Variants in RDH8 observed in about 807,000 individuals in gnomAD.
RDH8 encodes retinol dehydrogenase 8.
RDH8 carries 14 observed loss-of-function variants against 22.3 expected under a neutral mutation model. That is an observed-to-expected ratio of 0.63 (90% CI 0.42 to 0.98). The LOEUF is 0.98. Ranked by LOEUF, RDH8 falls within the 50% of genes least tolerant of loss-of-function variation. The pLI is 0.00. For synonymous variants in RDH8, 175 were observed against 171.7 expected (o/e 1.02, Z -0.15); for missense variants, 389 against 409.8 (o/e 0.95, Z 0.44).
Position 10,021,453 on chromosome 19 carries a change from C to G in RDH8, c.720+15C>G, listed in dbSNP as rs1363512897. The G allele has an allele frequency of 6.2e-7, 1 of 1,613,938 alleles. No homozygotes were observed. The highest frequency in any genetic ancestry group is 1.3e-5 in the African/African-American group (1 of 74,912). On this transcript the variant is annotated intron_variant, in intron 5 of 5. Transcript: ENST00000591589. ...ACGTGGTTCAGGTGAGTGAAGGGCC[C>G]AGAGCCCCAAGACGTGGCTCAGGTA...
chr19:10,013,599 G>C lies in RDH8; in HGVS notation c.102G>C (p.Gln34His). Reference protein sequence around the residue: ...QLAHDPKKRYQVVATMRDLGK... With the variant: ...QLAHDPKKRYHVVATMRDLGK... The stretch of plus-strand genomic sequence containing the variant: ...CCCATGACCCCAAGAAGCGCTACCA[G>C]GGTAAGAAGTGCAGGGTGGCACTAG... The change falls in exon 1 of 6, where the codon CAG (glutamine) becomes CAC (histidine). Residue 34 changes from glutamine (Q) to histidine (H), a missense_variant and splice_region_variant. Coordinates refer to ENST00000591589, the MANE Select transcript of RDH8 (RefSeq NM_015725.4). 6.2e-7 allele frequency: 1 copy of C among 1,613,992 alleles called. No individual in the cohort carries two copies. The highest frequency in any genetic ancestry group is 8.5e-7 in the Non-Finnish European group (1 of 1,180,026).
In RDH8 at chr19:10,020,369, G is replaced by GGAAGGAAGGAAGGGAGGGAGGAAGA. The variant is rs1164580378; in HGVS notation, c.443-340_443-339insGAAGGAAGGAAGGGAGGGAGGAAGA. ...GGGAGGGAGGGAGGGAGGAAGGAAG[G>GGAAGGAAGGAAGGGAGGGAGGAAGA]AAGGGAGGGAGGAAGAGAGACAAGG... On this transcript the variant is annotated intron_variant, in intron 3 of 5. Coordinates refer to ENST00000591589, the MANE Select transcript of RDH8 (RefSeq NM_015725.4). Among the ~76,000 whole-genome samples the GGAAGGAAGGAAGGGAGGGAGGAAGA allele has an allele frequency of 3.9e-3, 543 of 138,634 alleles. 5 individuals are homozygous for GGAAGGAAGGAAGGGAGGGAGGAAGA. The highest frequency in any genetic ancestry group is 0.014 in the African/African-American group (512 of 37,028). The allele number at this position is 138,634 out of a possible 152,430, so 90.9% of individuals were successfully genotyped here. A position where few individuals can be genotyped will look rare whatever the true frequency, so the allele number is the denominator to read the frequency against.
In RDH8 at chr19:10,021,691, A is replaced by G. The variant is rs781396725; in HGVS notation, c.878A>G (p.Asn293Ser). ...RLLFRCPRLLNLGLQCLSCGC... is the reference protein window; with the variant it reads ...RLLFRCPRLLSLGLQCLSCGC... ...CTCTTCCGCTGTCCACGCCTCCTCA[A>G]CCTTGGCCTTCAATGTCTGTCCTGC... is the stretch of plus-strand genomic sequence containing the variant. Residue 293 changes from asparagine to serine, a missense_variant, in exon 6 of 6, where the codon AAC becomes AGC. Asn to Ser is a conservative substitution (Grantham distance 46). Coordinates refer to ENST00000591589, the MANE Select transcript of RDH8 (RefSeq NM_015725.4). The G allele has an allele frequency of 1.2e-6, 2 of 1,613,916 alleles. No individual in the cohort carries two copies. The highest frequency in any genetic ancestry group is 1.7e-6 in the Non-Finnish European group (2 of 1,179,980).
Position 10,013,504 on chromosome 19 carries a change from G to A in RDH8, c.7G>A (p.Ala3Thr), listed in dbSNP as rs555587189. 2.2e-5 allele frequency: 35 copies of A among 1,613,006 alleles called. No homozygotes were observed. Among genetic ancestry groups the A allele is most frequent in the Admixed American group, 6.7e-5 (4 of 60,012 alleles). Reference sequence around the variant, plus strand: ...GTCCAGGGAGGGGATCAACATGGCCGCTGCACCCCGGACTGTGTTGATCTC... The same window carrying A: ...GTCCAGGGAGGGGATCAACATGGCCACTGCACCCCGGACTGTGTTGATCTC... MA[A>T]APRTVLISGC... Residue 3 changes from alanine (A) to threonine (T), a missense_variant, in exon 1 of 6, where the codon GCT becomes ACT. By Grantham distance (58) the Ala-to-Thr change is moderately conservative (BLOSUM62 0). Transcript: ENST00000591589.
chr19:10,021,514 T>A lies in RDH8; in HGVS notation c.721-20T>A. On this transcript the variant is annotated intron_variant, in intron 5 of 5. Coordinates refer to ENST00000591589, the MANE Select transcript of RDH8 (RefSeq NM_015725.4). Reference sequence around the variant, plus strand: ...TGAGGCCCTCCCTGGGTCCCAGCGCTCAGGGCCTCCATTCTGCAGGCCATT... The same window carrying A: ...TGAGGCCCTCCCTGGGTCCCAGCGCACAGGGCCTCCATTCTGCAGGCCATT... 1 of 1,613,894 alleles carries A rather than the reference T, an allele frequency of 6.2e-7. No homozygotes were observed. Among genetic ancestry groups the A allele is most frequent in the Non-Finnish European group, 8.5e-7 (1 of 1,179,878 alleles).
chr19:10,013,739 C>G, intron 1 of RDH8, 139 bp downstream of exon 1: 1 of 835,168 alleles, frequency 1.2e-6, no homozygotes, highest in South Asian at 1.7e-5. Flanking sequence ...TCCCCTCATC[C>G]TAGAAATATT....
intron 1 of RDH8, among the ~76,000 whole-genome samples, chr19:10,013,828 CG>C (rs200109881): frequency 4.6e-5 from 7 of 151,960 alleles, no homozygotes; most frequent in East Asian, 3.9e-4. Context: ...GCCCTCAGGA[CG>C]GGTGTCATGT....
intron 1 of RDH8, among the ~76,000 whole-genome samples, chr19:10,016,179 G>C (rs113315868): frequency 6.7e-6 from 1 of 149,116 alleles, no homozygotes; most frequent in African/African-American, 2.5e-5. Context: ...AGACAGTCTC[G>C]CTCTGTTGCC....
chr19:10,015,162 A>T (rs2087601159), intron 1 of RDH8, among the ~76,000 whole-genome samples: 1 of 152,102 alleles, frequency 6.6e-6, no homozygotes. Flanking sequence ...TTAAGAACAT[A>T]AGCTTGAGGC....
chr19:10,020,353 G>C (rs987223894), intron 3 of RDH8, among the ~76,000 whole-genome samples: 1 of 145,168 alleles, frequency 6.9e-6, no homozygotes, highest in Non-Finnish European at 1.5e-5. Context: ...AGGGAGGGAG[G>C]GAGGGAGGAA....
rs74178233 is a variant in RDH8, at chr19:10,021,853, TC to T, written c.*109del. Reference sequence around the variant, plus strand: ...CTCTTCATTTATTCATTCTGCAAACTCCCCCTCCCCTCCTCTGTGCCTAGAC... The same window carrying T: ...CTCTTCATTTATTCATTCTGCAAACTCCCCTCCCCTCCTCTGTGCCTAGAC... On this transcript the variant is annotated 3_prime_UTR_variant, in exon 6 of 6. Coordinates refer to ENST00000591589, the MANE Select transcript of RDH8 (RefSeq NM_015725.4). 8.5e-7 allele frequency: 1 copy of T among 1,174,012 alleles called. No homozygotes were observed. The highest frequency in any genetic ancestry group is 2.6e-5 in the East Asian group (1 of 39,150). 72.7% of individuals were successfully genotyped at this position (1,174,012 alleles called of 1,614,324 possible).
chr19:10,019,393 C>T (rs949249909), intron 3 of RDH8, among the ~76,000 whole-genome samples: 1 of 151,874 alleles, frequency 6.6e-6, no homozygotes, highest in African/African-American at 2.4e-5. Context: ...GACATGGTGA[C>T]TCACGTCTAT....
intron 2 of RDH8, 90 bp from the exon 3 acceptor site, chr19:10,018,641 A>G: frequency 9.6e-7 from 1 of 1,047,004 alleles, no homozygotes; most frequent in Non-Finnish European, 1.4e-6. Context: ...TTGGACTTGG[A>G]GTACGGGGTG....
Position 10,021,550 on chromosome 19 carries a change from T to C in RDH8, c.737T>C (p.Ile246Thr), listed in dbSNP as rs139949062. ...ATTCTGCAGGCCATTGTCAACGTCA[T>C]CAGCTCGACTCGACCACCCCTGCGC... ...QDVVQAIVNV[I>T]SSTRPPLRRQ... Residue 246 changes from isoleucine (I) to threonine (T), a missense_variant, in exon 6 of 6, where the codon ATC (isoleucine) becomes ACC (threonine). Ile to Thr is a moderately conservative substitution (Grantham distance 89). Coordinates refer to ENST00000591589, the MANE Select transcript of RDH8 (RefSeq NM_015725.4). 5.6e-6 allele frequency: 9 copies of C among 1,614,096 alleles called. No homozygotes were observed. The African/African-American group carries it at 1.1e-4, about 19-fold the overall frequency.
rs2087665585 is a variant in RDH8 at position 10,021,920 on chromosome 19, A to T, written c.*171A>T. 1 of 722,950 alleles carries T rather than the reference A, an allele frequency of 1.4e-6. No homozygotes were observed. The allele number at this position is 722,950 out of a possible 1,614,324, so 44.8% of individuals were successfully genotyped here. ...GAAGGGCCTTTATTTTCAGGCATAG[A>T]CTCCTCTGTGGTCACAGCTGGAGCA... is the stretch of plus-strand genomic sequence containing the variant. On this transcript the variant is annotated 3_prime_UTR_variant, in exon 6 of 6. Coordinates refer to ENST00000591589, the MANE Select transcript of RDH8 (RefSeq NM_015725.4).
chr19:10,021,121 C>T, intron 4 of RDH8, 134 bp from the exon 5 acceptor site: 2 of 814,412 alleles, frequency 2.5e-6, no homozygotes, highest in Non-Finnish European at 1.9e-6. Context: ...CTGCAGACAG[C>T]TATGATCATG....
chr19:10,016,178 C>G (rs1193074796), intron 1 of RDH8, among the ~76,000 whole-genome samples: 1 of 150,366 alleles, frequency 6.7e-6, no homozygotes, highest in Non-Finnish European at 1.5e-5. Context: ...GAGACAGTCT[C>G]GCTCTGTTGC....
At chr19:10,017,283 A>G in intron 2 of RDH8, 68 bp downstream of exon 2, 3 of 1,408,196 alleles carry the variant, frequency 2.1e-6, no homozygotes, top group African/African-American at 2.8e-5. Context: ...CAATATGGCA[A>G]GGTCTGAGCA....
intron 3 of RDH8, 113 bp downstream of exon 3, chr19:10,019,023 A>T (rs2087639976): frequency 1.1e-6 from 1 of 872,914 alleles, no homozygotes; most frequent in Admixed American, 2.8e-5. Context: ...GACCCTGGGC[A>T]CGGTGATTCA....
Sources: allele counts gnomAD v4.1 joint callset (sites outside exome capture counted in the v4.1 genomes callset), GRCh38; gene constraint gnomAD v4.1.1; transcripts MANE v1.5; gene names NCBI Gene and HGNC (gene_info 2026-07-23, HGNC 2026-07-21).